Variants in RTN4R observed in about 807,000 individuals in gnomAD.
RTN4R encodes reticulon-4 receptor.
In RTN4R, 4 loss-of-function variants were observed where a neutral mutation model predicts 27.7. The ratio of observed to expected loss-of-function variants is 0.14; its 90% CI spans 0.07 to 0.33. The LOEUF (loss-of-function observed/expected upper bound fraction) is 0.33, where lower values mean the gene tolerates loss of function less well. Among genes scored for constraint, RTN4R ranks in the 10% least tolerant of loss-of-function variants. The probability of loss-of-function intolerance (pLI) is 1.00; values close to 1 mark genes in which losing one functional copy is unlikely to be tolerated. For missense variants in RTN4R, 554 were observed against 671.5 expected, an observed-to-expected ratio of 0.83 and a Z score of 1.93; for synonymous variants, 290 against 305.6, an observed-to-expected ratio of 0.95 and a Z score of 0.53.
chr22:20,247,833 C>A (rs2145975370), intron 1 of RTN4R, among the ~76,000 whole-genome samples: 1 of 152,342 alleles, frequency 6.6e-6, no homozygotes, highest in Non-Finnish European at 1.5e-5. Flanking sequence ...TGAAGCAGCT[C>A]CAGGCCTAGC....
rs1007522691 is a variant in RTN4R at position 20,241,443 on chromosome 22, G to A, written c.*268C>T. 1.1e-4 allele frequency: 57 copies of A among 537,128 alleles called. No homozygotes were observed. The highest frequency in any genetic ancestry group is 1.6e-4 in the Non-Finnish European group (47 of 301,586). The allele number at this position is 537,128 out of a possible 1,614,324, so 33.3% of individuals were successfully genotyped here. ...AGAAAAGAGCTCTTTATTCCACGTC[G>A]TCCGATATTTTTACACAAGTAAAAT... On this transcript the variant is annotated 3_prime_UTR_variant, in exon 2 of 2. Transcript: ENST00000043402.
chr22:20,243,249 C>T (rs746021026), intron 1 of RTN4R, 139 bp from the exon 2 acceptor site: 55 of 782,098 alleles, frequency 7.0e-5, no homozygotes, highest in Admixed American at 2.4e-4. Flanking sequence ...CCACCACCCC[C>T]GGGAATCGCA....
Position 20,268,078 on chromosome 22 carries a change from G to A in RTN4R, c.15C>T (p.Ser5=), listed in dbSNP as rs2051290047. The A allele has an allele frequency of 8.3e-7, 1 of 1,201,318 alleles. No homozygotes were observed. Among genetic ancestry groups the A allele is most frequent in the Non-Finnish European group, 1.0e-6 (1 of 964,812 alleles). 74.4% of individuals were successfully genotyped at this position (1,201,318 alleles called of 1,614,324 possible). MKRA[S]AGGSRLLAWV... ...TGCAGCGCGGACACTCACCTCCAGC[G>A]GACGCCCTCTTCATCGTAGGGGTTG... The change falls in exon 1 of 2, where the codon TCC becomes TCT. Residue 5 remains serine (S), a synonymous_variant. Coordinates refer to ENST00000043402, the MANE Select transcript of RTN4R (RefSeq NM_023004.6).
At chr22:20,260,675 C>T (rs940437586) in intron 1 of RTN4R, among the ~76,000 whole-genome samples, 4 of 152,184 alleles carry the variant, frequency 2.6e-5, no homozygotes, top group African/African-American at 9.7e-5. Flanking sequence ...CAGTCCCACC[C>T]CGCCCTACCA....
rs763925592 is a variant in RTN4R, at chr22:20,241,952, G to C, written c.1181C>G (p.Pro394Arg). ...FGTLPGSAEP[P>R]LTAVRPEGSE... is the part of the protein sequence containing the mutation. ...GCCCTCGGGCCGCACTGCAGTGAGCGGGGGCTCAGCAGAGCCAGGCAGAGT... is the reference window on the plus strand; with the variant it reads ...GCCCTCGGGCCGCACTGCAGTGAGCCGGGGCTCAGCAGAGCCAGGCAGAGT... Residue 394 changes from proline (P) to arginine (R), a missense_variant, in exon 2 of 2, where the codon CCG (proline) becomes CGG (arginine). By Grantham distance (103) the Pro-to-Arg change is moderately radical (BLOSUM62 -2). Coordinates refer to ENST00000043402, the MANE Select transcript of RTN4R (RefSeq NM_023004.6). 6.2e-7 allele frequency: 1 copy of C among 1,608,850 alleles called. No homozygotes were observed. Among genetic ancestry groups the C allele is most frequent in the Non-Finnish European group, 8.5e-7 (1 of 1,179,616 alleles).
rs1408533262 is a variant in RTN4R at position 20,241,740 on chromosome 22, C to T, written c.1393G>A (p.Val465Met). 2.6e-6 allele frequency: 4 copies of T among 1,550,872 alleles called. No homozygotes were observed. In the African/African-American group the frequency reaches 5.5e-5, roughly 21 times the overall value. Residue 465 changes from valine to methionine, a missense_variant, in exon 2 of 2, where the codon GTG becomes ATG. Coordinates refer to ENST00000043402, the MANE Select transcript of RTN4R (RefSeq NM_023004.6). ...CAGGGCCCAAGCACTGTCCACAGCA[C>T]CAGCGCCAGGCCCAGGGGGGTGAGG... ...CSLTPLGLAL[V>M]LWTVLGPC
rs2051292645 is a variant in RTN4R at position 20,268,297 on chromosome 22, G to C, written c.-205C>G. The C allele has an allele frequency of 6.9e-6, 1 of 145,942 alleles. No individual in the cohort carries two copies. The highest frequency in any genetic ancestry group is 1.5e-5 in the Non-Finnish European group (1 of 65,432). The allele number at this position is 145,942 out of a possible 1,614,324, so 9.0% of individuals were successfully genotyped here. ...GCAGGGCGCGCAGGGCGCACAGGGCGAGGGCGGCGGCGGCGCGGGGGTTGG... is the reference window on the plus strand; with the variant it reads ...GCAGGGCGCGCAGGGCGCACAGGGCCAGGGCGGCGGCGGCGCGGGGGTTGG... On this transcript the variant is annotated 5_prime_UTR_variant, in exon 1 of 2. Coordinates refer to ENST00000043402, the MANE Select transcript of RTN4R (RefSeq NM_023004.6).
rs151096888 is a variant in RTN4R at position 20,265,759 on chromosome 22, G to A, written c.22+2312C>T. Among the ~76,000 whole-genome samples the A allele has an allele frequency of 4.1e-3, 630 of 152,334 alleles. 8 individuals are homozygous for A. Among genetic ancestry groups the A allele is most frequent in the African/African-American group, 0.014 (597 of 41,568 alleles). ...CCAGCTGGCAGTGCAAAGGTCCCAG[G>A]AGGACTCTGCTGAGTGGGGGTGTGG... On this transcript the variant is annotated intron_variant, in intron 1 of 1. Transcript: ENST00000043402.
At chr22:20,247,942 C>T (rs1602640714) in intron 1 of RTN4R, among the ~76,000 whole-genome samples, 1 of 152,194 alleles carries the variant, frequency 6.6e-6, no homozygotes. Context: ...CCCTCGGCTC[C>T]ACTCTTTGCC....
intron 1 of RTN4R, among the ~76,000 whole-genome samples, chr22:20,263,403 G>A (rs1032502710): frequency 1.3e-5 from 2 of 152,244 alleles, no homozygotes; most frequent in Non-Finnish European, 2.9e-5. Context: ...CTGCGGGAAA[G>A]GAGCACCATC....
chr22:20,263,125 T>C (rs2051257249), intron 1 of RTN4R, among the ~76,000 whole-genome samples: 1 of 152,186 alleles, frequency 6.6e-6, no homozygotes, highest in South Asian at 2.1e-4. Flanking sequence ...AAAGGTTAAA[T>C]TTGCACATCG....
At chr22:20,250,899 G>C (rs2051172580) in intron 1 of RTN4R, among the ~76,000 whole-genome samples, 1 of 152,186 alleles carries the variant, frequency 6.6e-6, no homozygotes, top group South Asian at 2.1e-4. Context: ...CAAAATGGTT[G>C]TAAGGAGAGG....
intron 1 of RTN4R, among the ~76,000 whole-genome samples, chr22:20,252,133 A>C (rs557999222): frequency 6.6e-6 from 1 of 151,908 alleles, no homozygotes; most frequent in Non-Finnish European, 1.5e-5. Context: ...CATCACTATC[A>C]TCATCACCAT....
At position 20,242,720 on chromosome 22, in the gene RTN4R, T is replaced by C. The variant is rs1427336167; in HGVS notation, c.413A>G (p.Asp138Gly). Residue 138 changes from aspartate to glycine, a missense_variant, in exon 2 of 2, where the codon GAC becomes GGC. Transcript: ENST00000043402. ...GLGRLHTLHLDRCGLQELGPG... is the reference protein window; with the variant it reads ...GLGRLHTLHLGRCGLQELGPG... ...GCCCAGCTCCTGCAGGCCGCAGCGG[T>C]CCAGGTGCAGCGTGTGTAGGCGGCC... is the stretch of plus-strand genomic sequence containing the variant. 6.2e-7 allele frequency: 1 copy of C among 1,612,348 alleles called. No homozygotes were observed. The highest frequency in any genetic ancestry group is 2.2e-5 in the East Asian group (1 of 44,882).
intron 1 of RTN4R, among the ~76,000 whole-genome samples, chr22:20,251,829 T>TACC (rs2051181001): frequency 1.2e-5 from 1 of 83,220 alleles, no homozygotes; most frequent in Non-Finnish European, 2.5e-5. Context: ...TCACCATCAT[T>TACC]ATCATCATCA....
chr22:20,253,644 C>G lies in RTN4R; in HGVS notation c.23-10534G>C, dbSNP rs2051196731. ...CAGTGACCACCAGGCATCCGGAAAA[C>G]ATATCAATGCAGAAAAAGAGGGAGA... is the stretch of plus-strand genomic sequence containing the variant. On this transcript the variant is annotated intron_variant, in intron 1 of 1. Coordinates refer to ENST00000043402, the MANE Select transcript of RTN4R (RefSeq NM_023004.6). Among the ~76,000 whole-genome samples, 3 of 152,104 alleles carry G rather than the reference C, an allele frequency of 2.0e-5. No individual in the cohort carries two copies. In the South Asian group the frequency reaches 6.2e-4, roughly 32 times the overall value.
intron 1 of RTN4R, among the ~76,000 whole-genome samples, chr22:20,263,170 C>T (rs188522578): frequency 2.0e-4 from 30 of 152,356 alleles, no homozygotes; most frequent in Middle Eastern, 3.4e-3. Flanking sequence ...GGTCCCTCCA[C>T]CCACTGGGCG....
chr22:20,250,438 G>T (rs145415193), intron 1 of RTN4R, among the ~76,000 whole-genome samples: 2,370 of 152,352 alleles, frequency 0.016, 34 homozygotes, highest in Non-Finnish European at 0.023. Flanking sequence ...GACCTGGTTT[G>T]TGAGCAAGCC....
In RTN4R at chr22:20,242,477, G is replaced by A. The variant is rs777345223; in HGVS notation, c.656C>T (p.Pro219Leu). The A allele has an allele frequency of 1.1e-5, 17 of 1,613,692 alleles. No individual in the cohort carries two copies. The highest frequency in any genetic ancestry group is 3.3e-4 in the Middle Eastern group (2 of 6,062). ...LHQNRVAHVH[P>L]HAFRDLGRLM... ...GCGGCCAAGGTCACGGAAGGCATGC[G>A]GGTGCACATGGGCCACGCGGTTCTG... The change falls in exon 2 of 2, where the codon CCG (proline) becomes CTG (leucine). Residue 219 changes from proline to leucine, a missense_variant. Pro to Leu is a moderately conservative substitution (Grantham distance 98). Around this residue, in one of 2 missense-constraint regions of RTN4R, gnomAD observed 413 missense variants for 542.3 expected, o/e 0.76. Transcript: ENST00000043402.
Sources: allele counts gnomAD v4.1 joint callset (sites outside exome capture counted in the v4.1 genomes callset), GRCh38; gene constraint gnomAD v4.1.1; regional missense constraint gnomAD v4.1.1; transcripts MANE v1.5; gene names NCBI Gene and HGNC (gene_info 2026-07-23, HGNC 2026-07-21).